ASH2L: variants seen among roughly 807,000 people sequenced by gnomAD.
ASH2L encodes the protein set1/Ash2 histone methyltransferase complex subunit ASH2.
A neutral mutation model predicts 81.1 loss-of-function variants in ASH2L; 30 were observed. That is an observed-to-expected ratio of 0.37 (90% CI 0.28 to 0.50). The LOEUF (loss-of-function observed/expected upper bound fraction) is 0.50. Ranked by LOEUF, ASH2L falls within the 20% of genes least tolerant of loss-of-function variation. The pLI, the probability that ASH2L is intolerant of heterozygous loss-of-function variation, is 0.95. For missense variants in ASH2L, 559 were observed against 792.1 expected, an observed-to-expected ratio of 0.71 and a Z score of 3.53; for synonymous variants, 273 against 279.9, an observed-to-expected ratio of 0.98 and a Z score of 0.24.
intron 1 of ASH2L, 132 bp downstream of exon 1, chr8:38,105,870 C>G: frequency 3.5e-6 from 5 of 1,439,570 alleles, no homozygotes; most frequent in Non-Finnish European, 4.5e-6. Context: ...CCTGCCTCTG[C>G]GCCGCTTGGC....
chr8:38,120,141 C>G (rs747110571), intron 9 of ASH2L, among the ~76,000 whole-genome samples: 8 of 152,062 alleles, frequency 5.3e-5, no homozygotes, highest in Non-Finnish European at 8.8e-5. Context: ...CAAAACAAAC[C>G]CAAGTTTAAG....
intron 1 of ASH2L, 106 bp from the exon 2 acceptor site, chr8:38,106,272 C>A: frequency 7.2e-7 from 1 of 1,384,554 alleles, no homozygotes; most frequent in Non-Finnish European, 1.0e-6. Flanking sequence ...GCTGAAAAAG[C>A]TGCAGGAGTA....
intron 5 of ASH2L, among the ~76,000 whole-genome samples, chr8:38,112,029 T>A: frequency 6.6e-6 from 1 of 152,172 alleles, no homozygotes; most frequent in East Asian, 1.9e-4. Context: ...CTTTATTCAG[T>A]TGGGTTTTGC....
At chr8:38,126,273 A>G (rs1386145647) in intron 10 of ASH2L, among the ~76,000 whole-genome samples, 1 of 152,136 alleles carries the variant, frequency 6.6e-6, no homozygotes, top group Non-Finnish European at 1.5e-5. Context: ...GAAATGACCA[A>G]TATTCTTCAA....
intron 10 of ASH2L, 24 bp downstream of exon 10, chr8:38,121,173 A>G: frequency 2.5e-6 from 4 of 1,600,252 alleles, no homozygotes; most frequent in East Asian, 2.2e-5. Context: ...TGGAGATCAT[A>G]TGGATGCAGG....
chr8:38,112,131 C>T (rs1010948721), intron 5 of ASH2L, among the ~76,000 whole-genome samples: 3 of 152,140 alleles, frequency 2.0e-5, no homozygotes, highest in East Asian at 1.9e-4. Context: ...CTCAGCCTCC[C>T]GAGTAGCTGG....
At chr8:38,110,488 A>G (rs776004262) in intron 4 of ASH2L, 21 bp downstream of exon 4, 10 of 1,594,916 alleles carry the variant, frequency 6.3e-6, no homozygotes, top group Admixed American at 1.7e-5. Flanking sequence ...ACTCTGGAGT[A>G]TTTGAAGATG....
intron 9 of ASH2L, among the ~76,000 whole-genome samples, chr8:38,120,002 A>G (rs911679082): frequency 6.7e-5 from 10 of 149,904 alleles, no homozygotes; most frequent in African/African-American, 2.2e-4. Context: ...GCACGTGCCT[A>G]TAATCCCAGC....
chr8:38,119,629 A>G (rs1431521818), intron 9 of ASH2L, among the ~76,000 whole-genome samples: 1 of 151,922 alleles, frequency 6.6e-6, no homozygotes, highest in African/African-American at 2.4e-5. Flanking sequence ...AACATGGCGA[A>G]ACCCCATCTC....
chr8:38,127,561 A>C (rs1801897913), intron 10 of ASH2L, among the ~76,000 whole-genome samples: 1 of 151,940 alleles, frequency 6.6e-6, no homozygotes, highest in Non-Finnish European at 1.5e-5. Context: ...AGCCTGACCA[A>C]TATGGTGAAA....
chr8:38,119,348 C>T lies in ASH2L; in HGVS notation c.932C>T (p.Thr311Ile). Residue 311 changes from threonine (T) to isoleucine (I), a missense_variant, in exon 9 of 16, where the codon ACC (threonine) becomes ATC (isoleucine). By Grantham distance (89) the Thr-to-Ile change is moderately conservative (BLOSUM62 -1). Coordinates refer to ENST00000343823, the MANE Select transcript of ASH2L (RefSeq NM_004674.5). ...CAGGATGGAGGGACCACAGGGACCACCAAGAAGGCCCGGAGGTGGGGAGAG... is the reference window on the plus strand; with the variant it reads ...CAGGATGGAGGGACCACAGGGACCATCAAGAAGGCCCGGAGGTGGGGAGAG... ...KQQDGGTTGT[T>I]KKARSDPLFS... is the part of the protein sequence containing the mutation. The T allele has an allele frequency of 6.5e-7, 1 of 1,544,480 alleles. No homozygotes were observed. Among genetic ancestry groups the T allele is most frequent in the Non-Finnish European group, 8.7e-7 (1 of 1,144,834 alleles).
chr8:38,109,065 GTGATACCC>G (rs1351441280), intron 3 of ASH2L, among the ~76,000 whole-genome samples: 1 of 152,158 alleles, frequency 6.6e-6, no homozygotes, highest in African/African-American at 2.4e-5. Context: ...GGGTAACAGA[GTGATACCC>G]TGTCTCAAAA....
intron 5 of ASH2L, among the ~76,000 whole-genome samples, chr8:38,111,661 C>T (rs1203132981): frequency 6.6e-6 from 1 of 152,168 alleles, no homozygotes; most frequent in Non-Finnish European, 1.5e-5. Context: ...GTTGGGATTA[C>T]AGGTGTGAGC....
At chr8:38,125,249 ATTTCTT>A (rs1441871987) in intron 10 of ASH2L, among the ~76,000 whole-genome samples, 4 of 152,124 alleles carry the variant, frequency 2.6e-5, no homozygotes, top group African/African-American at 9.7e-5. Context: ...TTATCTGTTT[ATTTCTT>A]TTTCTTTTTC....
chr8:38,113,916 G>A (rs1310890306), intron 5 of ASH2L, among the ~76,000 whole-genome samples: 1 of 152,208 alleles, frequency 6.6e-6, no homozygotes, highest in Non-Finnish European at 1.5e-5. Context: ...AAGGGACTGT[G>A]ACAGAGCTTT....
chr8:38,133,501 T>C lies in ASH2L; in HGVS notation c.1575T>C (p.Phe525=). 1 of 1,611,490 alleles carries C rather than the reference T, an allele frequency of 6.2e-7. No homozygotes were observed. The highest frequency in any genetic ancestry group is 8.5e-7 in the Non-Finnish European group (1 of 1,179,860). The change falls in exon 13 of 16, where the codon TTT becomes TTC. Residue 525 remains phenylalanine, a synonymous_variant. Coordinates refer to ENST00000343823, the MANE Select transcript of ASH2L (RefSeq NM_004674.5). ...KSYLYFEEKD[F]VDKAEKSLKQ... The stretch of plus-strand genomic sequence containing the variant: ...ATTTGTATTTTGAGGAAAAAGACTT[T>C]GTGGATAAAGCAGAGAAGAGCCTGA...
chr8:38,133,348 T>G (rs1802134454), intron 12 of ASH2L, 106 bp from the exon 13 acceptor site: 1 of 733,212 alleles, frequency 1.4e-6, no homozygotes. Context: ...TTTTAATATC[T>G]GTTGTAGAGC....
Position 38,139,722 on chromosome 8 carries a change from T to C in ASH2L, c.*651T>C, listed in dbSNP as rs1802401983. Reference sequence around the variant, plus strand: ...AAGTTTATGTGACACTTTGCTTCCCTTCAGATTGGGTGCCTCTTGGTGACA... The same window carrying C: ...AAGTTTATGTGACACTTTGCTTCCCCTCAGATTGGGTGCCTCTTGGTGACA... On this transcript the variant is annotated 3_prime_UTR_variant, in exon 16 of 16. Coordinates refer to ENST00000343823, the MANE Select transcript of ASH2L (RefSeq NM_004674.5). 2 of 152,174 alleles carry C rather than the reference T, an allele frequency of 1.3e-5. No individual in the cohort carries two copies. Among genetic ancestry groups the C allele is most frequent in the Admixed American group, 6.6e-5 (1 of 15,266 alleles). The allele number at this position is 152,174 out of a possible 1,614,324, so 9.4% of individuals were successfully genotyped here.
intron 1 of ASH2L, 93 bp downstream of exon 1, chr8:38,105,831 G>T: frequency 6.9e-7 from 1 of 1,450,478 alleles, no homozygotes; most frequent in Non-Finnish European, 9.1e-7. Context: ...CGCCCCCTGC[G>T]AACCCAGGCC....
Sources: gnomAD v4.1 joint callset for allele counts (sites outside exome capture counted in the v4.1 genomes callset) on GRCh38, gnomAD v4.1.1 for gene constraint, MANE v1.5 for transcripts, NCBI Gene and HGNC (gene_info 2026-07-23, HGNC 2026-07-21) for gene names.